APP: variants seen among roughly 807,000 people sequenced by gnomAD.
APP encodes amyloid-beta precursor protein.
A neutral mutation model predicts 101.4 loss-of-function variants in APP; 31 were observed. The ratio of observed to expected loss-of-function variants is 0.31; its 90% CI spans 0.23 to 0.41. APP has a LOEUF of 0.41. APP is among the 10% of genes least tolerant of loss of function. The pLI is 1.00. For synonymous variants in APP, 366 were observed against 364.4 expected (o/e 1.00, Z -0.05); for missense variants, 839 against 1,003.7 (o/e 0.84, Z 2.22).
At chr21:26,157,656 G>A (rs574775626) in intron 1 of APP, among the ~76,000 whole-genome samples, 1 of 152,278 alleles carries the variant, frequency 6.6e-6, no homozygotes, top group East Asian at 1.9e-4. Context: ...TACTTTCTGT[G>A]ACGTATCTTC....
chr21:26,102,118 C>T (rs535390354), intron 2 of APP, among the ~76,000 whole-genome samples: 2,675 of 5,196 alleles, frequency 0.51, 121 homozygotes, highest in African/African-American at 0.52. Context: ...GCCGGAGTCT[C>T]GCTCTTGTCG....
At chr21:26,096,515 G>A (rs908823901) in intron 2 of APP, among the ~76,000 whole-genome samples, 9 of 152,208 alleles carry the variant, frequency 5.9e-5, no homozygotes, top group Admixed American at 2.0e-4. Context: ...CAAACTGTAC[G>A]TAGCATTCTT....
At chr21:26,141,853 A>C (rs1051721580) in intron 1 of APP, among the ~76,000 whole-genome samples, 1 of 152,238 alleles carries the variant, frequency 6.6e-6, no homozygotes, top group African/African-American at 2.4e-5. Flanking sequence ...CAAATGAAGC[A>C]TTCAAAAATT....
intron 11 of APP, among the ~76,000 whole-genome samples, chr21:25,971,038 T>C (rs572543469): frequency 6.6e-6 from 1 of 152,180 alleles, no homozygotes; most frequent in South Asian, 2.1e-4. Context: ...AATATATTCA[T>C]ATACAAACAG....
intron 8 of APP, among the ~76,000 whole-genome samples, chr21:25,995,309 T>C (rs1452635705): frequency 6.6e-6 from 1 of 152,234 alleles, no homozygotes; most frequent in African/African-American, 2.4e-5. Context: ...TCATGGCATT[T>C]AGGAAAAAAT....
chr21:26,166,233 G>T (rs2063604825), intron 1 of APP, among the ~76,000 whole-genome samples: 1 of 152,154 alleles, frequency 6.6e-6, no homozygotes, highest in African/African-American at 2.4e-5. Context: ...AATAAAAAAA[G>T]AAATACATAT....
At chr21:25,965,105 C>T (rs537338218) in intron 11 of APP, among the ~76,000 whole-genome samples, 1 of 152,338 alleles carries the variant, frequency 6.6e-6, no homozygotes, top group South Asian at 2.1e-4. Context: ...CTAAGATCTT[C>T]TGACCTGGGA....
At chr21:26,153,455 C>CTTGTTG (rs3084288) in intron 1 of APP, among the ~76,000 whole-genome samples, 4 of 151,336 alleles carry the variant, frequency 2.6e-5, no homozygotes, top group South Asian at 2.1e-4. Context: ...ACCCCTGTAC[C>CTTGTTG]TTGTTGTTGT....
intron 13 of APP, 73 bp downstream of exon 13, chr21:25,954,517 A>C: frequency 4.5e-4 from 503 of 1,108,554 alleles, no homozygotes; most frequent in Non-Finnish European, 6.4e-4. Flanking sequence ...TCAAACAGAT[A>C]ACTCACTTCC....
chr21:26,131,349 C>T (rs1029191218), intron 1 of APP, among the ~76,000 whole-genome samples: 6 of 151,998 alleles, frequency 3.9e-5, no homozygotes, highest in African/African-American at 1.2e-4. Context: ...AAAGGAGCAC[C>T]GAGGTTTTCC....
chr21:25,912,089 C>A, intron 13 of APP, 127 bp from the exon 14 acceptor site: 1 of 751,644 alleles, frequency 1.3e-6, no homozygotes, highest in South Asian at 1.5e-5. Context: ...GCGTTTAGAG[C>A]CATGACATAG....
intron 3 of APP, among the ~76,000 whole-genome samples, chr21:26,058,440 A>G (rs1413850196): frequency 1.3e-5 from 2 of 152,254 alleles, no homozygotes; most frequent in Non-Finnish European, 2.9e-5. Flanking sequence ...AATGGGAATG[A>G]ATATCAAACA....
chr21:25,983,593 A>G (rs1177439198), intron 8 of APP, among the ~76,000 whole-genome samples: 1 of 152,254 alleles, frequency 6.6e-6, no homozygotes, highest in Non-Finnish European at 1.5e-5. Context: ...CAAAGATATT[A>G]ACTAAAACCG....
intron 3 of APP, among the ~76,000 whole-genome samples, chr21:26,070,583 T>A (rs1157352315): frequency 6.6e-6 from 1 of 152,192 alleles, no homozygotes; most frequent in Non-Finnish European, 1.5e-5. Flanking sequence ...TCTGTGATAA[T>A]GGAGCGTAAA....
chr21:25,884,224 T>C (rs1254184195), intron 17 of APP, among the ~76,000 whole-genome samples: 1 of 152,194 alleles, frequency 6.6e-6, no homozygotes, highest in African/African-American at 2.4e-5. Flanking sequence ...TGTGCGCCAC[T>C]GTGAATCCCT....
At chr21:26,045,071 C>A (rs1489876187) in intron 5 of APP, among the ~76,000 whole-genome samples, 3 of 152,096 alleles carry the variant, frequency 2.0e-5, no homozygotes, top group African/African-American at 7.2e-5. Context: ...AGGCAGGAAT[C>A]TCTCTAAGGT....
At chr21:26,033,883 G>A (rs7279544) in intron 5 of APP, among the ~76,000 whole-genome samples, 40,196 of 152,048 alleles carry the variant, frequency 0.26, 5,876 homozygotes, top group East Asian at 0.45. Flanking sequence ...AGTTACTAAT[G>A]GTAACAGAGG....
chr21:26,059,352 C>T (rs2145988143), intron 3 of APP, among the ~76,000 whole-genome samples: 1 of 152,306 alleles, frequency 6.6e-6, no homozygotes, highest in African/African-American at 2.4e-5. Context: ...CTCTCTTCCT[C>T]ATCTCTCAAG....
At chr21:25,914,775 C>T (rs531126992) in intron 13 of APP, among the ~76,000 whole-genome samples, 2 of 151,968 alleles carry the variant, frequency 1.3e-5, no homozygotes, top group African/African-American at 4.8e-5. Flanking sequence ...GGATGGTCTC[C>T]ATCTCCTGAC....
Sources: gnomAD v4.1 joint callset for allele counts (sites outside exome capture counted in the v4.1 genomes callset) on GRCh38, gnomAD v4.1.1 for gene constraint, MANE v1.5 for transcripts, NCBI Gene and HGNC (gene_info 2026-07-23, HGNC 2026-07-21) for gene names.